Variants in NSUN6 observed in about 807,000 individuals in gnomAD.
NSUN6 encodes NOP2/Sun RNA methyltransferase 6.
A neutral mutation model predicts 58.0 loss-of-function variants in NSUN6; 64 were observed. The ratio of observed to expected loss-of-function variants is 1.10; its 90% CI spans 0.90 to 1.36. NSUN6 has a LOEUF of 1.36. Among genes scored for constraint, NSUN6 ranks in the 40% most tolerant of loss-of-function variants. The pLI is 0.00. For missense variants in NSUN6, 701 were observed against 550.1 expected (o/e 1.27, Z -2.74); for synonymous variants, 231 against 193.9 (o/e 1.19, Z -1.59).
intron 3 of NSUN6, among the ~76,000 whole-genome samples, chr10:18,620,314 C>T (rs1374468650): frequency 2.6e-5 from 4 of 152,110 alleles, no homozygotes; most frequent in Non-Finnish European, 5.9e-5. Flanking sequence ...GTCTCGATCT[C>T]CTGACTTCGT....
At chr10:18,556,823 A>G (rs1396861714) in intron 8 of NSUN6, among the ~76,000 whole-genome samples, 1 of 150,926 alleles carries the variant, frequency 6.6e-6, no homozygotes, top group Non-Finnish European at 1.5e-5. Context: ...TGGAGAGTGG[A>G]ATGCAATGGA....
chr10:18,579,572 C>T (rs1339699981), intron 8 of NSUN6, among the ~76,000 whole-genome samples: 1 of 152,026 alleles, frequency 6.6e-6, no homozygotes, highest in Non-Finnish European at 1.5e-5. Context: ...TTTATTTTAC[C>T]AAGGTTAAGA....
chr10:18,623,289 T>A (rs773714660), intron 3 of NSUN6, among the ~76,000 whole-genome samples: 2 of 152,182 alleles, frequency 1.3e-5, no homozygotes, highest in Non-Finnish European at 2.9e-5. Flanking sequence ...ATATTGAGCT[T>A]CTACTAAAAA....
chr10:18,652,007 T>C (rs758849911), upstream of NSUN6: 15 of 985,428 alleles, frequency 1.5e-5, 1 homozygote, highest in South Asian at 6.6e-4. Context: ...TTTCATGACA[T>C]GATTTTACCT....
chr10:18,617,065 C>T (rs1002799179), intron 3 of NSUN6, among the ~76,000 whole-genome samples: 2 of 152,128 alleles, frequency 1.3e-5, no homozygotes, highest in African/African-American at 2.4e-5. Flanking sequence ...AGGCTCTCCC[C>T]GCCAGGTTCC....
intron 2 of NSUN6, among the ~76,000 whole-genome samples, chr10:18,644,381 G>T (rs1159162551): frequency 6.6e-6 from 1 of 152,092 alleles, no homozygotes. Flanking sequence ...TCACAACACA[G>T]TTCATCCAGC....
At chr10:18,560,909 A>C (rs2055451276) in intron 8 of NSUN6, among the ~76,000 whole-genome samples, 1 of 151,224 alleles carries the variant, frequency 6.6e-6, no homozygotes, top group African/African-American at 2.4e-5. Flanking sequence ...GGTATGGAGA[A>C]TGGAATGGAA....
chr10:18,643,151 G>A (rs2059437742), intron 2 of NSUN6, among the ~76,000 whole-genome samples: 1 of 151,696 alleles, frequency 6.6e-6, no homozygotes, highest in African/African-American at 2.4e-5. Context: ...TAGCTACCAG[G>A]GAACATGGTG....
At chr10:18,605,455 G>A (rs1053360103) in intron 6 of NSUN6, among the ~76,000 whole-genome samples, 10 of 152,168 alleles carry the variant, frequency 6.6e-5, no homozygotes, top group Non-Finnish European at 1.5e-4. Context: ...TCATTGTTCT[G>A]TAACAGTAAC....
chr10:18,558,433 G>A (rs529286320), intron 8 of NSUN6, among the ~76,000 whole-genome samples: 1 of 151,392 alleles, frequency 6.6e-6, no homozygotes, highest in African/African-American at 2.4e-5. Context: ...TAATGGAATG[G>A]AGGATGGTGT....
At chr10:18,614,803 C>T (rs2058353885) in intron 4 of NSUN6, among the ~76,000 whole-genome samples, 190 bp from the exon 5 acceptor site, 1 of 152,066 alleles carries the variant, frequency 6.6e-6, no homozygotes. Context: ...AACAATAAAA[C>T]TCACTAAAGA....
At chr10:18,552,041 G>T in intron 8 of NSUN6, 70 bp from the exon 9 acceptor site, 1 of 836,062 alleles carries the variant, frequency 1.2e-6, no homozygotes. Context: ...CCTGAGATGA[G>T]CAGGAATTTA....
At chr10:18,555,290 G>C (rs528301105) in intron 8 of NSUN6, among the ~76,000 whole-genome samples, 40 of 151,456 alleles carry the variant, frequency 2.6e-4, no homozygotes, top group Admixed American at 1.5e-3. Context: ...ATGAAGAATG[G>C]AATGGAATGG....
chr10:18,575,065 A>T (rs34422497), intron 8 of NSUN6, among the ~76,000 whole-genome samples: 4 of 152,178 alleles, frequency 2.6e-5, no homozygotes, highest in Non-Finnish European at 4.4e-5. Flanking sequence ...AAGAGAATTC[A>T]GAATGAAAAT....
At chr10:18,601,261 G>A (rs965893947) in intron 6 of NSUN6, among the ~76,000 whole-genome samples, 3 of 151,856 alleles carry the variant, frequency 2.0e-5, no homozygotes, top group Admixed American at 6.6e-5. Context: ...CTCATGATTT[G>A]AGTATCTTTT....
intron 3 of NSUN6, 114 bp downstream of exon 3, chr10:18,642,362 A>G (rs1169833114): frequency 6.3e-6 from 4 of 632,832 alleles, no homozygotes; most frequent in East Asian, 2.6e-5. Flanking sequence ...CCTGTTATCT[A>G]TAGAAAGTTG....
At chr10:18,622,625 G>A (rs1379222946) in intron 3 of NSUN6, among the ~76,000 whole-genome samples, 9 of 152,290 alleles carry the variant, frequency 5.9e-5, no homozygotes, top group Admixed American at 3.3e-4. Flanking sequence ...CAGGATAATC[G>A]CTTGAACACG....
intron 3 of NSUN6, among the ~76,000 whole-genome samples, chr10:18,640,254 G>T (rs1446398874): frequency 6.6e-6 from 1 of 152,166 alleles, no homozygotes; most frequent in Non-Finnish European, 1.5e-5. Flanking sequence ...CACAGAGACG[G>T]TCTATAAAAA....
intron 3 of NSUN6, among the ~76,000 whole-genome samples, chr10:18,624,650 A>C (rs1335343393): frequency 1.3e-5 from 2 of 150,752 alleles, no homozygotes; most frequent in Non-Finnish European, 1.5e-5. Context: ...TCTGTCTCAA[A>C]AAAAAAAAAA....
Sources: allele counts gnomAD v4.1 joint callset (sites outside exome capture counted in the v4.1 genomes callset), GRCh38; gene constraint gnomAD v4.1.1; transcripts MANE v1.5; gene names NCBI Gene and HGNC (gene_info 2026-07-23, HGNC 2026-07-21).